Variants in BIN2 observed in about 807,000 individuals in gnomAD.
BIN2 encodes the protein bridging integrator 2.
In BIN2, 43 loss-of-function variants were observed where a neutral mutation model predicts 67.9. The ratio of observed to expected loss-of-function variants is 0.63; its 90% confidence interval spans 0.50 to 0.82. BIN2 has a LOEUF of 0.82. BIN2 is among the 40% of genes least tolerant of loss of function. The pLI is 0.00. For missense variants in BIN2, 581 were observed against 671.6 expected, an observed-to-expected ratio of 0.87 and a Z score of 1.49; for synonymous variants, 244 against 246.8, an observed-to-expected ratio of 0.99 and a Z score of 0.11.
At chr12:51,323,589 G>A (rs913581697) in intron 1 of BIN2, among the ~76,000 whole-genome samples, 3 of 152,170 alleles carry the variant, frequency 2.0e-5, no homozygotes, top group Admixed American at 6.5e-5. Flanking sequence ...GCTGGCATCC[G>A]CTGCATCGCT....
At chr12:51,301,450 C>T (rs549754166) in intron 5 of BIN2, among the ~76,000 whole-genome samples, 88 of 152,194 alleles carry the variant, frequency 5.8e-4, no homozygotes, top group African/African-American at 2.0e-3. Flanking sequence ...AAAGGGATGC[C>T]TCTAACTTGG....
chr12:51,320,954 A>C (rs5029068), intron 1 of BIN2, among the ~76,000 whole-genome samples: 77,468 of 145,822 alleles, frequency 0.53, 20,918 homozygotes, highest in Non-Finnish European at 0.56. Context: ...CACACACACA[A>C]ACACACACAC....
intron 10 of BIN2, among the ~76,000 whole-genome samples, chr12:51,289,659 C>T (rs548798899): frequency 6.6e-6 from 1 of 152,062 alleles, no homozygotes; most frequent in African/African-American, 2.4e-5. Flanking sequence ...ATTTACAGAT[C>T]CTTCACAGAA....
At chr12:51,285,626 C>CTT (rs10562037) in intron 11 of BIN2, among the ~76,000 whole-genome samples, 1 of 131,492 alleles carries the variant, frequency 7.6e-6, no homozygotes, top group African/African-American at 2.7e-5. Context: ...TTCTTTCTTT[C>CTT]TTTTTTTTTT....
chr12:51,317,511 C>CAA (rs1276401364), intron 1 of BIN2, among the ~76,000 whole-genome samples: 1 of 151,344 alleles, frequency 6.6e-6, no homozygotes, highest in African/African-American at 2.4e-5. Context: ...CTACTAAATA[C>CAA]AAAAAAAATT....
chr12:51,320,550 T>G (rs1946243701), intron 1 of BIN2, among the ~76,000 whole-genome samples: 1 of 151,944 alleles, frequency 6.6e-6, no homozygotes, highest in Non-Finnish European at 1.5e-5. Flanking sequence ...CAGCCTCCAC[T>G]ATAAAACCTC....
At chr12:51,306,233 C>T (rs1032277615) in intron 2 of BIN2, among the ~76,000 whole-genome samples, 1 of 152,120 alleles carries the variant, frequency 6.6e-6, no homozygotes, top group Non-Finnish European at 1.5e-5. Flanking sequence ...GACATGAGGA[C>T]ACAGTCTTAA....
In BIN2 at chr12:51,292,108, T is replaced by G. The variant is rs1235724751; in HGVS notation, c.998A>C (p.Glu333Ala). 1 of 1,614,154 alleles carries G rather than the reference T, an allele frequency of 6.2e-7. No homozygotes were observed. Among genetic ancestry groups the G allele is most frequent in the Non-Finnish European group, 8.5e-7 (1 of 1,180,028 alleles). Residue 333 changes from glutamate (E) to alanine (A), a missense_variant, in exon 10 of 13, where the codon GAA (glutamate) becomes GCA (alanine). Physicochemically the swap from Glu to Ala is moderately radical, Grantham distance 107. Coordinates refer to ENST00000615107, the MANE Select transcript of BIN2 (RefSeq NM_016293.4). Reference protein sequence around the residue: ...KEGSEASSSEEDEPLPACNGP... With the variant: ...KEGSEASSSEADEPLPACNGP... ...ATTGCAGGCTGGTAGAGGCTCATCT[T>G]CCTCAGAGGAGCTTGCTTCAGATCC...
intron 7 of BIN2, 31 bp from the exon 8 acceptor site, chr12:51,297,195 G>A (rs572570940): frequency 8.2e-6 from 13 of 1,582,866 alleles, no homozygotes; most frequent in South Asian, 1.1e-5. Context: ...AAACACATAC[G>A]AGTAAGGCAT....
chr12:51,309,996 T>G (rs1003399469), intron 2 of BIN2, among the ~76,000 whole-genome samples: 1 of 152,208 alleles, frequency 6.6e-6, no homozygotes, highest in African/African-American at 2.4e-5. Context: ...CAGAGAGGCC[T>G]CCTAGTGAGG....
At chr12:51,301,976 G>T in intron 5 of BIN2, 44 bp downstream of exon 5, 1 of 1,342,270 alleles carries the variant, frequency 7.5e-7, no homozygotes, top group Non-Finnish European at 1.1e-6. Context: ...CTCTAACCTG[G>T]ATGGGTCATC....
chr12:51,292,761 C>A (rs7135840), intron 9 of BIN2, among the ~76,000 whole-genome samples: 1 of 152,034 alleles, frequency 6.6e-6, no homozygotes, highest in Non-Finnish European at 1.5e-5. Context: ...TTGCCTGGCA[C>A]GCACTTTCCA....
At chr12:51,292,727 G>A (rs1945423138) in intron 9 of BIN2, among the ~76,000 whole-genome samples, 1 of 152,172 alleles carries the variant, frequency 6.6e-6, no homozygotes, top group South Asian at 2.1e-4. Flanking sequence ...CACTATTGGA[G>A]ATGCCCAAGT....
At chr12:51,319,955 C>CTCTCCTTCCTTCCT (rs140671810) in intron 1 of BIN2, among the ~76,000 whole-genome samples, 1 of 150,966 alleles carries the variant, frequency 6.6e-6, no homozygotes, top group Admixed American at 6.6e-5. Context: ...GGAAATCTTT[C>CTCTCCTTCCTTCCT]TCTTTCCTTC....
intron 2 of BIN2, among the ~76,000 whole-genome samples, chr12:51,304,522 T>G (rs1015467452): frequency 1.3e-5 from 2 of 152,218 alleles, no homozygotes; most frequent in African/African-American, 4.8e-5. Flanking sequence ...GACTGTGGAC[T>G]GTAGGGATGG....
intron 2 of BIN2, among the ~76,000 whole-genome samples, chr12:51,306,630 T>A (rs75478419): frequency 0.13 from 19,103 of 151,948 alleles, 1,298 homozygotes; most frequent in East Asian, 0.22. Flanking sequence ...TGTCTAAAAA[T>A]CAAAACCAAT....
rs1339375891 is a variant in BIN2 at position 51,299,298 on chromosome 12, A to G, written c.517-10T>C. The G allele has an allele frequency of 6.2e-7, 1 of 1,609,192 alleles. No individual in the cohort carries two copies. Among genetic ancestry groups the G allele is most frequent in the African/African-American group, 1.3e-5 (1 of 74,770 alleles). ...TGAACTCTTCCTCTGCCTAGGTGGT[A>G]AAAGAGACAAGACAATCTCCCTCAA... On this transcript the variant is annotated splice_polypyrimidine_tract_variant and intron_variant, in intron 6 of 12. Coordinates refer to ENST00000615107, the MANE Select transcript of BIN2 (RefSeq NM_016293.4).
chr12:51,302,433 G>A (rs1263962650), intron 4 of BIN2: 1 of 534,916 alleles, frequency 1.9e-6, no homozygotes, highest in Non-Finnish European at 3.3e-6. Context: ...CAATCTTTAG[G>A]AGGTAAAACT....
At chr12:51,320,936 A>ACACACAC (rs1031506424) in intron 1 of BIN2, among the ~76,000 whole-genome samples, 1,834 of 138,782 alleles carry the variant, frequency 0.013, 99 homozygotes, top group East Asian at 0.11. Context: ...TCATACTAAA[A>ACACACAC]ACACACACAC....
Sources: allele counts gnomAD v4.1 joint callset (sites outside exome capture counted in the v4.1 genomes callset), GRCh38; gene constraint gnomAD v4.1.1; transcripts MANE v1.5; gene names NCBI Gene and HGNC (gene_info 2026-07-23, HGNC 2026-07-21).